EFCAB13: variants seen among roughly 807,000 people sequenced by gnomAD.
The protein encoded by EFCAB13 is EF-hand calcium binding domain 13.
Under a neutral mutation model 110.2 loss-of-function variants are expected in EFCAB13, and 91 were observed. That is an observed-to-expected ratio of 0.83 (90% CI 0.70 to 0.98). The LOEUF (loss-of-function observed/expected upper bound fraction) is 0.98. EFCAB13 is among the 50% of genes least tolerant of loss of function. The pLI is 0.00. For synonymous variants in EFCAB13, 323 were observed against 369.9 expected, an observed-to-expected ratio of 0.87 and a Z score of 1.45; for missense variants, 968 against 1,119.4, an observed-to-expected ratio of 0.86 and a Z score of 1.93.
chr17:47,349,799 G>A (rs1485956834), intron 9 of EFCAB13, among the ~76,000 whole-genome samples: 2 of 115,816 alleles, frequency 1.7e-5, no homozygotes, highest in East Asian at 4.9e-4. Flanking sequence ...ACGGAGTCTC[G>A]CTCTGTCGCC....
At chr17:47,363,462 C>CTT (rs34092734) in intron 10 of EFCAB13, among the ~76,000 whole-genome samples, 81 of 138,414 alleles carry the variant, frequency 5.9e-4, no homozygotes, top group African/African-American at 1.8e-3. Context: ...AAACACACTT[C>CTT]TTTTTTTTTT....
intron 18 of EFCAB13, 72 bp downstream of exon 18, chr17:47,402,275 A>G (rs2065783253): frequency 2.2e-6 from 3 of 1,360,060 alleles, no homozygotes; most frequent in Non-Finnish European, 3.1e-6. Context: ...TTTGTTTTTA[A>G]TGCTGTGTGT....
rs1161284504 is a variant in EFCAB13, at chr17:47,431,997, T to C, written c.2638+2036T>C. Among the ~76,000 whole-genome samples, 1 of 152,206 alleles carries C rather than the reference T, an allele frequency of 6.6e-6. No homozygotes were observed. Among genetic ancestry groups the C allele is most frequent in the East Asian group, 1.9e-4 (1 of 5,204 alleles). The stretch of plus-strand genomic sequence containing the variant: ...AAGGCTGGGCATTGTGTTTCATGCC[T>C]GTAATCCCAGCACTTTGGAAGGCTG... On this transcript the variant is annotated intron_variant, in intron 24 of 24. Transcript: ENST00000331493. This position sits in a 1 kb window ranked among gnomAD's most constrained non-coding sequence, Gnocchi z 4.1.
intron 24 of EFCAB13, among the ~76,000 whole-genome samples, chr17:47,439,171 GTTTTTTTTTTT>G (rs71141908): frequency 3.5e-4 from 26 of 73,868 alleles, no homozygotes; most frequent in Admixed American, 2.5e-3. Flanking sequence ...TCTTTGTTTT[GTTTTTTTTTTT>G]TTTTTTTTTT....
At chr17:47,346,780 C>T (rs2065419186) in intron 8 of EFCAB13, among the ~76,000 whole-genome samples, 1 of 152,110 alleles carries the variant, frequency 6.6e-6, no homozygotes, top group Non-Finnish European at 1.5e-5. Context: ...TTTCTCAAGG[C>T]CTATGCTTTG....
chr17:47,344,375 A>AT, intron 7 of EFCAB13, 83 bp downstream of exon 7: 5 of 1,461,564 alleles, frequency 3.4e-6, no homozygotes, highest in Non-Finnish European at 3.7e-6. Context: ...TCCCTTCCAC[A>AT]TAAAGAATAT....
intron 17 of EFCAB13, among the ~76,000 whole-genome samples, chr17:47,401,736 C>T (rs1301895330): frequency 6.6e-6 from 1 of 151,148 alleles, no homozygotes; most frequent in Non-Finnish European, 1.5e-5. Flanking sequence ...CCTCCACCTC[C>T]CCAGTTCAAA....
chr17:47,361,327 T>C, intron 9 of EFCAB13, 51 bp from the exon 10 acceptor site: 1 of 1,588,412 alleles, frequency 6.3e-7, no homozygotes, highest in East Asian at 2.2e-5. Context: ...ATCAACTGCT[T>C]TTCCAAGAAA....
At chr17:47,393,327 T>C (rs1198484291) in intron 15 of EFCAB13, among the ~76,000 whole-genome samples, 1 of 152,202 alleles carries the variant, frequency 6.6e-6, no homozygotes, top group Non-Finnish European at 1.5e-5. Flanking sequence ...ATGTAGTATC[T>C]TGTAACATTT....
chr17:47,340,153 C>T (rs2065375820), intron 5 of EFCAB13: 1 of 151,752 alleles, frequency 6.6e-6, no homozygotes, highest in South Asian at 2.1e-4. Flanking sequence ...ATAAGTGAGC[C>T]AAGTCTTTGT....
chr17:47,360,905 A>G (rs1024343398), intron 9 of EFCAB13, among the ~76,000 whole-genome samples: 12 of 152,190 alleles, frequency 7.9e-5, no homozygotes, highest in African/African-American at 2.7e-4. Flanking sequence ...GTGGAAAATT[A>G]TAATTTATCT....
chr17:47,434,534 C>A (rs1400345504), intron 24 of EFCAB13, among the ~76,000 whole-genome samples: 1 of 151,918 alleles, frequency 6.6e-6, no homozygotes, highest in East Asian at 1.9e-4. Flanking sequence ...CTTCACAGAA[C>A]TAAAAAAAGT....
rs115850236 is a variant in EFCAB13 at position 47,346,661 on chromosome 17, C to T, written c.518-1147C>T. ...AAGGGCTGTTGGGAAGCTTCCTAAA[C>T]TCCTTGATATTCTTACCTACAAACA... is the stretch of plus-strand genomic sequence containing the variant. On this transcript the variant is annotated intron_variant, in intron 8 of 24. Coordinates refer to ENST00000331493, the MANE Select transcript of EFCAB13 (RefSeq NM_152347.5). 7.4e-3 allele frequency among the ~76,000 whole-genome samples: 1,129 copies of T among 152,220 alleles called. 18 individuals are homozygous for T. The highest frequency in any genetic ancestry group is 0.025 in the African/African-American group (1,050 of 41,536).
At chr17:47,398,128 C>A (rs1255472136) in intron 17 of EFCAB13, among the ~76,000 whole-genome samples, 2 of 139,856 alleles carry the variant, frequency 1.4e-5, no homozygotes, top group Non-Finnish European at 3.1e-5. Context: ...GTCAGCCCCC[C>A]CCTGGCCAGC....
At chr17:47,353,862 T>C (rs1478478211) in intron 9 of EFCAB13, among the ~76,000 whole-genome samples, 1 of 152,180 alleles carries the variant, frequency 6.6e-6, no homozygotes, top group East Asian at 1.9e-4. Context: ...TTTTTTTTCT[T>C]GTTTCAGTTT....
At chr17:47,340,909 C>T (rs187107782) in intron 5 of EFCAB13, among the ~76,000 whole-genome samples, 1 of 151,572 alleles carries the variant, frequency 6.6e-6, no homozygotes, top group Admixed American at 6.6e-5. Context: ...AGCTACCATA[C>T]CCAGCCAGTC....
intron 14 of EFCAB13, among the ~76,000 whole-genome samples, chr17:47,391,130 G>A (rs1302102207): frequency 2.0e-5 from 3 of 152,056 alleles, no homozygotes; most frequent in African/African-American, 7.2e-5. Context: ...TGTGGAGACA[G>A]GGGTCTTGCT....
chr17:47,359,747 G>A (rs1263574139), intron 9 of EFCAB13, among the ~76,000 whole-genome samples: 5 of 148,662 alleles, frequency 3.4e-5, no homozygotes, highest in Non-Finnish European at 5.9e-5. Flanking sequence ...TTAGCATTAG[G>A]TATATCTCCT....
intron 9 of EFCAB13, among the ~76,000 whole-genome samples, chr17:47,351,323 G>GCGCGCA (rs2065451896): frequency 6.6e-6 from 1 of 150,742 alleles, no homozygotes; most frequent in Admixed American, 6.6e-5. Context: ...GCGCGCGCGC[G>GCGCGCA]CGCGCCACGT....
Sources: gnomAD v4.1 joint callset for allele counts (sites outside exome capture counted in the v4.1 genomes callset) on GRCh38, gnomAD v4.1.1 for gene constraint, Gnocchi (gnomAD v3.1) non-coding constraint, MANE v1.5 for transcripts, NCBI Gene and HGNC (gene_info 2026-07-23, HGNC 2026-07-21) for gene names.